The following FGF14 variants were observed in gnomAD, a reference collection of about 807,000 sequenced individuals.
FGF14 encodes the protein fibroblast growth factor 14.
Under a neutral mutation model 25.5 loss-of-function variants are expected in FGF14, and 5 were observed. The observed-to-expected ratio is 0.20, with a 90% CI of 0.10 to 0.41. The LOEUF (loss-of-function observed/expected upper bound fraction) is 0.41, where lower values mean the gene tolerates loss of function less well. Ranked by LOEUF, FGF14 falls within the 10% of genes least tolerant of loss-of-function variation. The pLI is 1.00. For missense variants in FGF14, 222 were observed against 320.1 expected (o/e 0.69, Z 2.34); for synonymous variants, 138 against 118.3 (o/e 1.17, Z -1.08).
intron 3 of FGF14, among the ~76,000 whole-genome samples, chr13:101,861,257 T>C (rs2044400788): frequency 6.6e-6 from 1 of 152,114 alleles, no homozygotes; most frequent in African/African-American, 2.4e-5. Context: ...CATCATCCAA[T>C]AGTCATTCCA....
intron 3 of FGF14, among the ~76,000 whole-genome samples, chr13:101,779,573 T>G (rs983192490): frequency 3.3e-5 from 5 of 152,206 alleles, no homozygotes; most frequent in African/African-American, 1.2e-4. Context: ...AATTCCATTT[T>G]GAAATATTTC....
intron 1 of FGF14, among the ~76,000 whole-genome samples, chr13:102,008,468 T>G (rs2039918047): frequency 6.6e-6 from 1 of 152,198 alleles, no homozygotes; most frequent in South Asian, 2.1e-4. Context: ...GTCTTCCCAT[T>G]AAACTGTGAT....
chr13:101,964,957 T>A (rs986370233), intron 1 of FGF14, among the ~76,000 whole-genome samples: 1 of 152,142 alleles, frequency 6.6e-6, no homozygotes, highest in African/African-American at 2.4e-5. Flanking sequence ...CCTTCTCTTT[T>A]ATGGCCAGGC....
chr13:101,753,560 T>A (rs1303678261), intron 3 of FGF14, among the ~76,000 whole-genome samples: 2 of 152,146 alleles, frequency 1.3e-5, no homozygotes, highest in African/African-American at 4.8e-5. Flanking sequence ...ATCCCAGCAC[T>A]TTGGGAGGCT....
intron 1 of FGF14, among the ~76,000 whole-genome samples, chr13:102,284,492 G>C (rs1594720762): frequency 1.3e-5 from 2 of 151,910 alleles, no homozygotes; most frequent in East Asian, 3.8e-4. Flanking sequence ...ACAGTGCAAT[G>C]ACCTCTCACA....
At chr13:101,737,565 C>A (rs533846001) in intron 3 of FGF14, among the ~76,000 whole-genome samples, 1 of 152,154 alleles carries the variant, frequency 6.6e-6, no homozygotes, top group South Asian at 2.1e-4. Flanking sequence ...CCTTGTACTT[C>A]TCTGCCCATT....
At chr13:101,910,190 A>G (rs1468890613) in intron 1 of FGF14, among the ~76,000 whole-genome samples, 1 of 152,124 alleles carries the variant, frequency 6.6e-6, no homozygotes, top group Non-Finnish European at 1.5e-5. Context: ...ACATGTATAC[A>G]TATGTAACAA....
chr13:102,077,618 CA>C (rs1381612146), intron 1 of FGF14, among the ~76,000 whole-genome samples: 1 of 151,934 alleles, frequency 6.6e-6, no homozygotes, highest in Non-Finnish European at 1.5e-5. Context: ...TTTTGGTGAT[CA>C]AAAAGATGAA....
chr13:102,259,678 C>T (rs1467681963), intron 1 of FGF14, among the ~76,000 whole-genome samples: 1 of 152,148 alleles, frequency 6.6e-6, no homozygotes, highest in African/African-American at 2.4e-5. Context: ...CAGCATAGCA[C>T]CTAGAACAGT....
chr13:101,813,498 A>C (rs1272581414), intron 3 of FGF14, among the ~76,000 whole-genome samples: 1 of 150,482 alleles, frequency 6.6e-6, no homozygotes, highest in Non-Finnish European at 1.5e-5. Context: ...CCTTCACCAG[A>C]CACCAAATGC....
intron 1 of FGF14, among the ~76,000 whole-genome samples, chr13:102,318,028 G>C (rs2056100257): frequency 6.6e-6 from 1 of 152,016 alleles, no homozygotes; most frequent in African/African-American, 2.4e-5. Flanking sequence ...CTTAGACTAG[G>C]GTTTATTCAT....
At chr13:101,945,082 G>A (rs9557760) in intron 1 of FGF14, among the ~76,000 whole-genome samples, 46,544 of 152,120 alleles carry the variant, frequency 0.31, 9,824 homozygotes, top group African/African-American at 0.58. Flanking sequence ...TTGGGAGGCC[G>A]AGGCAGCAGG....
intron 1 of FGF14, among the ~76,000 whole-genome samples, chr13:102,120,344 G>T (rs1046655472): frequency 6.6e-6 from 1 of 152,178 alleles, no homozygotes; most frequent in Non-Finnish European, 1.5e-5. Context: ...AGTCCCAAAA[G>T]TACCGCTAAG....
intron 1 of FGF14, among the ~76,000 whole-genome samples, chr13:102,124,594 A>G (rs766437130): frequency 7.9e-5 from 12 of 152,110 alleles, no homozygotes; most frequent in Admixed American, 2.0e-4. Context: ...GTATGGATAC[A>G]GTTCTGGAAA....
intron 1 of FGF14, among the ~76,000 whole-genome samples, chr13:102,202,333 G>A (rs536601941): frequency 7.2e-5 from 11 of 152,254 alleles, no homozygotes; most frequent in Admixed American, 2.0e-4. Context: ...ATAAGGATGC[G>A]GTCATTGATG....
intron 3 of FGF14, among the ~76,000 whole-genome samples, chr13:101,745,754 G>A (rs1369062678): frequency 1.3e-5 from 2 of 152,050 alleles, no homozygotes; most frequent in Non-Finnish European, 2.9e-5. Context: ...AGGTAGGTTT[G>A]ACCACGTCTT....
intron 1 of FGF14, among the ~76,000 whole-genome samples, chr13:102,167,127 C>A (rs910869675): frequency 1.3e-5 from 2 of 151,468 alleles, no homozygotes; most frequent in Non-Finnish European, 1.5e-5. Flanking sequence ...ATGGTGAAAC[C>A]CAATCTCTAC....
intron 1 of FGF14, among the ~76,000 whole-genome samples, chr13:102,316,124 C>T (rs2056008475): frequency 3.9e-5 from 6 of 152,160 alleles, no homozygotes; most frequent in Admixed American, 3.9e-4. Context: ...ATATTAAACC[C>T]AGCAGACTGC....
Position 101,916,600 on chromosome 13 carries a change from C to T in FGF14, c.46G>A (p.Ala16Thr). ...GGCCGGTCCCAGTGCTGCTCCCGCGCCTGCCGCTTCTGGCGGATCAAGCCG... is the reference window on the plus strand; with the variant it reads ...GGCCGGTCCCAGTGCTGCTCCCGCGTCTGCCGCTTCTGGCGGATCAAGCCG... ...ASGLIRQKRQAREQHWDRPSA... is the reference protein window; with the variant it reads ...ASGLIRQKRQTREQHWDRPSA... The change falls in exon 1 of 5, where the codon GCG becomes ACG. Residue 16 changes from alanine (A) to threonine (T), a missense_variant. Physicochemically the swap from Ala to Thr is moderately conservative, Grantham distance 58. Transcript: ENST00000376143. 6.3e-7 allele frequency: 1 copy of T among 1,596,240 alleles called. No individual in the cohort carries two copies. The highest frequency in any genetic ancestry group is 8.5e-7 in the Non-Finnish European group (1 of 1,171,378).
Sources: allele counts gnomAD v4.1 joint callset (sites outside exome capture counted in the v4.1 genomes callset), GRCh38; gene constraint gnomAD v4.1.1; transcripts MANE v1.5; gene names NCBI Gene and HGNC (gene_info 2026-07-23, HGNC 2026-07-21).